DYNC1I1: variants seen among roughly 807,000 people sequenced by gnomAD.
The protein encoded by DYNC1I1 is cytoplasmic dynein 1 intermediate chain 1.
Under a neutral mutation model 86.6 loss-of-function variants are expected in DYNC1I1, and 43 were observed. The observed-to-expected ratio is 0.50, with a 90% CI of 0.39 to 0.64. The LOEUF (loss-of-function observed/expected upper bound fraction) is 0.64. Ranked by LOEUF, DYNC1I1 falls within the 30% of genes least tolerant of loss-of-function variation. DYNC1I1 has a pLI of 0.00. For missense variants in DYNC1I1, 604 were observed against 788.8 expected (o/e 0.77, Z 2.81); for synonymous variants, 262 against 283.7 (o/e 0.92, Z 0.77).
intron 8 of DYNC1I1, among the ~76,000 whole-genome samples, chr7:95,985,608 G>T (rs1409923019): frequency 2.6e-5 from 4 of 152,130 alleles, no homozygotes; most frequent in African/African-American, 9.7e-5. Flanking sequence ...GGGAGAATAG[G>T]AGGGACTATA....
At chr7:96,102,856 C>T (rs559265237), downstream of DYNC1I1, among the ~76,000 whole-genome samples, 2 of 152,268 alleles carry the variant, frequency 1.3e-5, no homozygotes, top group African/African-American at 4.8e-5. Context: ...GGCATATTAG[C>T]GGATCCTGGT....
At chr7:96,013,880 T>C (rs1562971681) in intron 10 of DYNC1I1, among the ~76,000 whole-genome samples, 1 of 152,202 alleles carries the variant, frequency 6.6e-6, no homozygotes, top group Non-Finnish European at 1.5e-5. Context: ...GGATCCATTT[T>C]ATTGTACCCA....
At position 96,071,346 on chromosome 7, in the gene DYNC1I1, C is replaced by T. The variant is rs1790153684; in HGVS notation, c.1510-4711C>T. On this transcript the variant is annotated intron_variant, in intron 14 of 16. Transcript: ENST00000447467. ...ACGTAATAAAGCAGTTGTAGAATCA[C>T]AAAGCTAATAGGAGCCCTTGAGGTC... Among the ~76,000 whole-genome samples, 3 of 152,310 alleles carry T rather than the reference C, an allele frequency of 2.0e-5. No individual in the cohort carries two copies. In the South Asian group the frequency reaches 6.2e-4, roughly 32 times the overall value.
intron 5 of DYNC1I1, among the ~76,000 whole-genome samples, chr7:95,851,937 T>C (rs928751629): frequency 1.3e-4 from 20 of 152,312 alleles, no homozygotes; most frequent in African/African-American, 4.1e-4. Flanking sequence ...GTGCTGGGAT[T>C]ACAGGTGTGA....
At chr7:95,838,901 G>T (rs529584963) in intron 5 of DYNC1I1, among the ~76,000 whole-genome samples, 11 of 152,184 alleles carry the variant, frequency 7.2e-5, no homozygotes, top group African/African-American at 2.6e-4. Flanking sequence ...TACGTACAAG[G>T]TCATGTCATC....
intron 14 of DYNC1I1, among the ~76,000 whole-genome samples, chr7:96,047,284 A>T (rs1355449728): frequency 6.6e-6 from 1 of 152,178 alleles, no homozygotes; most frequent in African/African-American, 2.4e-5. Flanking sequence ...AGGGACACAA[A>T]TATTCAATTG....
In DYNC1I1 at chr7:95,967,326, T is replaced by C. The variant is rs140809111; in HGVS notation, c.491-10186T>C. On this transcript the variant is annotated intron_variant, in intron 6 of 16. Coordinates refer to ENST00000447467, the MANE Select transcript of DYNC1I1 (RefSeq NM_001135556.2). ...AGGAAGAAGAAATCCCGCCAACAGG[T>C]AGAGCAGGAACAATTTGGGGAACTG... Among the ~76,000 whole-genome samples, 118 of 152,258 alleles carry C rather than the reference T, an allele frequency of 7.7e-4. 1 individual carries two copies. In the East Asian group the frequency reaches 0.02, roughly 26 times the overall value.
chr7:96,013,525 C>T (rs1159476439), intron 10 of DYNC1I1, among the ~76,000 whole-genome samples: 1 of 152,202 alleles, frequency 6.6e-6, no homozygotes, highest in East Asian at 1.9e-4. Flanking sequence ...GTGGCATGAT[C>T]TCAGCTCACT....
intron 6 of DYNC1I1, among the ~76,000 whole-genome samples, chr7:95,936,187 G>A (rs1033728281): frequency 2.6e-5 from 4 of 151,932 alleles, no homozygotes; most frequent in Non-Finnish European, 5.9e-5. Context: ...AGAAATTAAT[G>A]AAATATGTGT....
intron 9 of DYNC1I1, among the ~76,000 whole-genome samples, chr7:95,995,552 TACTC>T (rs1032083970): frequency 6.6e-6 from 1 of 152,162 alleles, no homozygotes; most frequent in Non-Finnish European, 1.5e-5. Flanking sequence ...TAGATGAACT[TACTC>T]AGCGAGAATA....
At chr7:95,975,793 A>G (rs1464446035) in intron 6 of DYNC1I1, among the ~76,000 whole-genome samples, 1 of 152,198 alleles carries the variant, frequency 6.6e-6, no homozygotes, top group Admixed American at 6.5e-5. Flanking sequence ...AAATAAAGCC[A>G]CTTACCAACA....
chr7:95,985,557 A>G (rs1793568576), intron 8 of DYNC1I1, among the ~76,000 whole-genome samples: 1 of 152,218 alleles, frequency 6.6e-6, no homozygotes, highest in African/African-American at 2.4e-5. Flanking sequence ...TGACTGTAGC[A>G]TAGGTATTAG....
At chr7:95,915,051 G>A (rs319331) in intron 6 of DYNC1I1, among the ~76,000 whole-genome samples, 21,601 of 152,146 alleles carry the variant, frequency 0.14, 2,293 homozygotes, top group East Asian at 0.29. Context: ...AATGATCTCA[G>A]TTATATCTTA....
At chr7:96,014,841 T>C (rs1048773430) in intron 10 of DYNC1I1, among the ~76,000 whole-genome samples, 1 of 152,208 alleles carries the variant, frequency 6.6e-6, no homozygotes, top group African/African-American at 2.4e-5. Flanking sequence ...CTGAGTTAGA[T>C]GCATATTAAA....
intron 6 of DYNC1I1, among the ~76,000 whole-genome samples, chr7:95,964,725 A>G (rs1042716188): frequency 6.6e-6 from 1 of 152,184 alleles, no homozygotes; most frequent in African/African-American, 2.4e-5. Flanking sequence ...TGAAGGGAAA[A>G]CAAGTGCCAT....
intron 5 of DYNC1I1, among the ~76,000 whole-genome samples, chr7:95,848,829 T>C (rs967666750): frequency 1.3e-5 from 2 of 152,172 alleles, no homozygotes; most frequent in African/African-American, 2.4e-5. Context: ...GCTATACTAA[T>C]GTACATTACC....
rs1393753497 is a variant in DYNC1I1, at chr7:95,968,822, CTCTGTGTGTGTGTGTG to C, written c.491-8688_491-8673del. ...ATCTTCAATTGTTCTGAATTTTTTGCTCTGTGTGTGTGTGTGTGTGTGTGTGTGTGTGTGTGTGTGT... is the reference window on the plus strand; with the variant it reads ...ATCTTCAATTGTTCTGAATTTTTTGCTGTGTGTGTGTGTGTGTGTGTGTGT... On this transcript the variant is annotated intron_variant, in intron 6 of 16. Coordinates refer to ENST00000447467, the MANE Select transcript of DYNC1I1 (RefSeq NM_001135556.2). Among the ~76,000 whole-genome samples the C allele has an allele frequency of 6.0e-5, 8 of 133,634 alleles. 1 individual carries two copies. In the East Asian group the frequency reaches 6.7e-4, roughly 11 times the overall value. The allele number at this position is 133,634 out of a possible 152,430, so 87.7% of individuals were successfully genotyped here. A position where few individuals can be genotyped will look rare whatever the true frequency, so the allele number is the denominator to read the frequency against.
intron 14 of DYNC1I1, among the ~76,000 whole-genome samples, chr7:96,046,474 C>T (rs1789218357): frequency 6.6e-6 from 1 of 151,962 alleles, no homozygotes; most frequent in Non-Finnish European, 1.5e-5. Flanking sequence ...TGTTAGTATC[C>T]CATTTTATAT....
intron 16 of DYNC1I1, among the ~76,000 whole-genome samples, chr7:96,096,692 G>A (rs1791016991): frequency 2.0e-5 from 3 of 152,132 alleles, no homozygotes; most frequent in African/African-American, 2.4e-5. Flanking sequence ...CACAGAAGAT[G>A]TTTTGGAAAT....
Sources: gnomAD v4.1 joint callset for allele counts (sites outside exome capture counted in the v4.1 genomes callset) on GRCh38, gnomAD v4.1.1 for gene constraint, MANE v1.5 for transcripts, NCBI Gene and HGNC (gene_info 2026-07-23, HGNC 2026-07-21) for gene names.